Variants in MCTP1 observed in about 807,000 individuals in gnomAD.
The protein encoded by MCTP1 is multiple C2 and transmembrane domain containing 1, also known as multiple C2 and transmembrane domain-containing protein 1.
A neutral mutation model predicts 120.6 loss-of-function variants in MCTP1; 69 were observed. The ratio of observed to expected loss-of-function variants is 0.57; its 90% CI spans 0.47 to 0.70. The LOEUF (loss-of-function observed/expected upper bound fraction) is 0.70. Among genes scored for constraint, MCTP1 ranks in the 30% least tolerant of loss-of-function variants. The pLI, the probability that MCTP1 is intolerant of heterozygous loss-of-function variation, is 0.00. For synonymous variants in MCTP1, 529 were observed against 493.1 expected, an observed-to-expected ratio of 1.07 and a Z score of -0.96; for missense variants, 1,203 against 1,248.8, an observed-to-expected ratio of 0.96 and a Z score of 0.55.
At chr5:94,982,914 G>A (rs948606603) in intron 2 of MCTP1, among the ~76,000 whole-genome samples, 913 of 61,742 alleles carry the variant, frequency 0.015, no homozygotes, top group Non-Finnish European at 0.025. Context: ...AAAAAAAAAA[G>A]ATGGTCAGGG....
chr5:95,081,172 G>A (rs1754835279), intron 1 of MCTP1, among the ~76,000 whole-genome samples: 1 of 151,818 alleles, frequency 6.6e-6, no homozygotes, highest in Non-Finnish European at 1.5e-5. Flanking sequence ...CCAATATAAA[G>A]CTACCACAAT....
chr5:94,954,538 G>T (rs762345361), intron 2 of MCTP1, among the ~76,000 whole-genome samples: 3 of 152,018 alleles, frequency 2.0e-5, no homozygotes, highest in Non-Finnish European at 2.9e-5. Context: ...AACTGCACTT[G>T]TATCCCTAAA....
chr5:94,791,673 G>T (rs1779003161), intron 18 of MCTP1, among the ~76,000 whole-genome samples: 1 of 152,176 alleles, frequency 6.6e-6, no homozygotes, highest in African/African-American at 2.4e-5. Context: ...AAATATGTGT[G>T]ATAAGAAATA....
In MCTP1 at chr5:95,172,858, C is replaced by A. The variant is rs376315350; in HGVS notation, c.720+110998G>T. Among the ~76,000 whole-genome samples, 23 of 152,234 alleles carry A rather than the reference C, an allele frequency of 1.5e-4. No individual in the cohort carries two copies. The South Asian group carries it at 4.6e-3, about 30-fold the overall frequency. On this transcript the variant is annotated intron_variant, in intron 1 of 22. Transcript: ENST00000515393. ...TCAAATCTCCAAGAGCTTAGGAATG[C>A]AAAGGGCTCTGAGAGAACACAATAA...
At chr5:95,058,283 C>T (rs945569494) in intron 1 of MCTP1, among the ~76,000 whole-genome samples, 23 of 152,202 alleles carry the variant, frequency 1.5e-4, no homozygotes, top group African/African-American at 5.5e-4. Flanking sequence ...GAATACATTC[C>T]TGCTTTTGTG....
At chr5:95,183,155 T>A (rs1397451927) in intron 1 of MCTP1, among the ~76,000 whole-genome samples, 3 of 152,080 alleles carry the variant, frequency 2.0e-5, no homozygotes, top group Non-Finnish European at 4.4e-5. Flanking sequence ...AAGTGGTTAA[T>A]TGATATTTGT....
At chr5:94,935,613 G>A (rs552140618) in intron 5 of MCTP1, among the ~76,000 whole-genome samples, 1 of 152,096 alleles carries the variant, frequency 6.6e-6, no homozygotes, top group African/African-American at 2.4e-5. Context: ...ATTTAGCAAA[G>A]TTTTATCAAC....
chr5:95,179,151 G>C (rs1748338377), intron 1 of MCTP1, among the ~76,000 whole-genome samples: 1 of 152,126 alleles, frequency 6.6e-6, no homozygotes, highest in Non-Finnish European at 1.5e-5. Context: ...ATTTAAAAAT[G>C]AACAAAGCCT....
intron 12 of MCTP1, among the ~76,000 whole-genome samples, chr5:94,882,169 T>C (rs1013298686): frequency 1.3e-5 from 2 of 152,216 alleles, no homozygotes; most frequent in Non-Finnish European, 2.9e-5. Context: ...AGTATAGGAT[T>C]GTATACATAT....
intron 1 of MCTP1, among the ~76,000 whole-genome samples, chr5:95,274,493 C>G (rs569706509): frequency 1.3e-5 from 2 of 152,248 alleles, no homozygotes; most frequent in Admixed American, 6.5e-5. Context: ...ATCAATTATC[C>G]CCCTTTCTCC....
At chr5:95,062,712 T>C (rs1432664835) in intron 1 of MCTP1, among the ~76,000 whole-genome samples, 1 of 152,216 alleles carries the variant, frequency 6.6e-6, no homozygotes, top group Non-Finnish European at 1.5e-5. Flanking sequence ...CACACAGAAA[T>C]ACATTCCAAG....
At chr5:95,094,044 C>T (rs975115362) in intron 1 of MCTP1, among the ~76,000 whole-genome samples, 1 of 152,198 alleles carries the variant, frequency 6.6e-6, no homozygotes, top group Non-Finnish European at 1.5e-5. Context: ...GATCCTCAAG[C>T]CCCCAGTTGA....
At chr5:95,216,267 C>A (rs1753023819) in intron 1 of MCTP1, among the ~76,000 whole-genome samples, 1 of 152,160 alleles carries the variant, frequency 6.6e-6, no homozygotes, top group African/African-American at 2.4e-5. Context: ...ACTCAGTAAG[C>A]AAGCTTGTGC....
intron 17 of MCTP1, among the ~76,000 whole-genome samples, chr5:94,835,727 A>G (rs768698570): frequency 6.6e-6 from 1 of 152,218 alleles, no homozygotes. Flanking sequence ...TCTTCAGGCC[A>G]GGAGCGGTGG....
chr5:94,787,783 A>AT (rs1208131884), intron 18 of MCTP1, among the ~76,000 whole-genome samples: 4 of 151,878 alleles, frequency 2.6e-5, no homozygotes, highest in African/African-American at 4.8e-5. Flanking sequence ...CGCCCGGCTA[A>AT]TTTTTTTGTA....
chr5:95,080,586 G>A (rs1451806918), intron 1 of MCTP1, among the ~76,000 whole-genome samples: 2 of 152,098 alleles, frequency 1.3e-5, no homozygotes, highest in East Asian at 1.9e-4. Flanking sequence ...GGAATTTAAA[G>A]GCCTTAAATA....
chr5:95,015,612 A>G (rs1475835449), intron 2 of MCTP1, among the ~76,000 whole-genome samples: 1 of 152,150 alleles, frequency 6.6e-6, no homozygotes, highest in African/African-American at 2.4e-5. Context: ...TCTTTCTTAC[A>G]TAGAACGTTG....
At chr5:95,175,420 G>T (rs1355165270) in intron 1 of MCTP1, among the ~76,000 whole-genome samples, 1 of 152,096 alleles carries the variant, frequency 6.6e-6, no homozygotes, top group Middle Eastern at 3.2e-3. Flanking sequence ...TGGCTGACTG[G>T]CACCTGTTTC....
intron 2 of MCTP1, among the ~76,000 whole-genome samples, chr5:95,005,719 C>A (rs1229973485): frequency 6.6e-6 from 1 of 151,872 alleles, no homozygotes; most frequent in Non-Finnish European, 1.5e-5. Context: ...AGAAAGAGAA[C>A]CCTGTATAGC....
Sources: allele counts gnomAD v4.1 joint callset (sites outside exome capture counted in the v4.1 genomes callset), GRCh38; gene constraint gnomAD v4.1.1; transcripts MANE v1.5; gene names NCBI Gene and HGNC (gene_info 2026-07-23, HGNC 2026-07-21).